ZNF536: variants seen among roughly 807,000 people sequenced by gnomAD.
ZNF536 encodes zinc finger protein 536.
In ZNF536, 13 loss-of-function variants were observed where a neutral mutation model predicts 84.5. That is an observed-to-expected ratio of 0.15 (90% CI 0.10 to 0.24). The LOEUF is 0.24. Among genes scored for constraint, ZNF536 ranks in the 10% least tolerant of loss-of-function variants. The pLI, the probability that ZNF536 is intolerant of heterozygous loss-of-function variation, is 1.00. For missense variants in ZNF536, 1,536 were observed against 1,747.5 expected (o/e 0.88, Z 2.16); for synonymous variants, 811 against 742.5 (o/e 1.09, Z -1.50).
intron 1 of ZNF536, among the ~76,000 whole-genome samples, chr19:30,237,246 T>G (rs8101339): frequency 0.037 from 5,556 of 152,196 alleles, 121 homozygotes; most frequent in Non-Finnish European, 0.045. Flanking sequence ...TAAAATAATT[T>G]GTTCATTGAT....
At chr19:30,582,827 GT>G (rs2046969847) in intron 1 of ZNF536, among the ~76,000 whole-genome samples, 1 of 152,282 alleles carries the variant, frequency 6.6e-6, no homozygotes, top group South Asian at 2.1e-4. Context: ...CATGAAAACA[GT>G]GTGGGGGAAA....
chr19:30,670,036 T>G (rs549606316), intron 1 of ZNF536, among the ~76,000 whole-genome samples: 1 of 152,278 alleles, frequency 6.6e-6, no homozygotes, highest in South Asian at 2.1e-4. Context: ...CCCTTTCCCC[T>G]CATCCTGCCC....
At chr19:30,701,538 GAC>G (rs2051981279) in intron 1 of ZNF536, among the ~76,000 whole-genome samples, 2 of 108,790 alleles carry the variant, frequency 1.8e-5, no homozygotes, top group Admixed American at 8.9e-5. Flanking sequence ...CAAACACACA[GAC>G]ACACAAACAC....
At position 30,564,062 on chromosome 19, in the gene ZNF536, G is replaced by A. The variant is rs922585019; in HGVS notation, c.169+14548G>A. On this transcript the variant is annotated intron_variant, in intron 1 of 1. Transcript: ENST00000592773. ...TAAGGGGACCAGAAAACAAGAGGGG[G>A]TGAATGGCTGAAAGGAAGAGAAATG... 2.6e-5 allele frequency among the ~76,000 whole-genome samples: 4 copies of A among 152,126 alleles called. No homozygotes were observed. In the East Asian group the frequency reaches 7.7e-4, roughly 29 times the overall value.
chr19:30,687,510 C>A (rs1314653194), intron 1 of ZNF536, among the ~76,000 whole-genome samples: 2 of 152,048 alleles, frequency 1.3e-5, no homozygotes, highest in Non-Finnish European at 2.9e-5. Context: ...TAAAGTAAGC[C>A]CTTCCCATAC....
chr19:30,490,233 C>T (rs955870722), intron 2 of ZNF536, among the ~76,000 whole-genome samples: 4 of 152,142 alleles, frequency 2.6e-5, no homozygotes, highest in Admixed American at 2.6e-4. Flanking sequence ...ATAATCTCTT[C>T]GTTCATCTCT....
At chr19:30,622,026 C>T (rs1339014689) in intron 1 of ZNF536, among the ~76,000 whole-genome samples, 11 of 152,174 alleles carry the variant, frequency 7.2e-5, no homozygotes, top group African/African-American at 2.7e-4. Flanking sequence ...AAATGGAAAC[C>T]TTTAGTAATC....
chr19:30,587,071 T>A (rs2047119222), intron 1 of ZNF536, among the ~76,000 whole-genome samples: 1 of 152,228 alleles, frequency 6.6e-6, no homozygotes, highest in Admixed American at 6.5e-5. Flanking sequence ...TCCACACATA[T>A]CTTGAAGATT....
chr19:30,621,428 A>T (rs1349178542), intron 1 of ZNF536, among the ~76,000 whole-genome samples: 4 of 152,040 alleles, frequency 2.6e-5, no homozygotes, highest in Non-Finnish European at 4.4e-5. Flanking sequence ...TACAAAGCCC[A>T]GCTCTTCTCA....
intron 2 of ZNF536, among the ~76,000 whole-genome samples, chr19:30,475,374 G>A (rs1239031986): frequency 6.6e-6 from 1 of 152,168 alleles, no homozygotes; most frequent in Admixed American, 6.5e-5. Flanking sequence ...AAAGCTGAGA[G>A]GGAGGATTCT....
chr19:30,607,219 T>A (rs1346218730), intron 1 of ZNF536, among the ~76,000 whole-genome samples: 1 of 152,184 alleles, frequency 6.6e-6, no homozygotes, highest in Non-Finnish European at 1.5e-5. Context: ...TATGGCTGAG[T>A]GTGGCTGTAA....
chr19:30,342,209 GT>G (rs2047585820), intron 2 of ZNF536, among the ~76,000 whole-genome samples: 1 of 152,180 alleles, frequency 6.6e-6, no homozygotes, highest in Non-Finnish European at 1.5e-5. Context: ...CCAGAAAAAT[GT>G]TTAGTTGCAT....
chr19:30,659,004 T>C (rs1430387189), intron 1 of ZNF536, among the ~76,000 whole-genome samples: 1 of 152,176 alleles, frequency 6.6e-6, no homozygotes, highest in Non-Finnish European at 1.5e-5. Flanking sequence ...GGTGGGTCCA[T>C]TAGGGATGTT....
At chr19:30,515,919 CGTG>C (rs1568505127) in intron 2 of ZNF536, among the ~76,000 whole-genome samples, 1 of 148,772 alleles carries the variant, frequency 6.7e-6, no homozygotes, top group East Asian at 2.0e-4. Context: ...CCCAGCTACT[CGTG>C]GGGCTGAGGC....
chr19:30,264,395 C>G (rs78335079), intron 1 of ZNF536, among the ~76,000 whole-genome samples: 16 of 124,666 alleles, frequency 1.3e-4, no homozygotes, highest in Non-Finnish European at 2.5e-4. Context: ...AGTTGTGCCT[C>G]TGTGTGTGTG....
chr19:30,277,309 A>C (rs563240711), intron 1 of ZNF536, among the ~76,000 whole-genome samples: 23 of 152,240 alleles, frequency 1.5e-4, no homozygotes, highest in African/African-American at 5.5e-4. Context: ...ATGCTAAAGC[A>C]TGTAAAAATA....
intron 1 of ZNF536, among the ~76,000 whole-genome samples, chr19:30,664,990 G>A (rs539047874): frequency 6.6e-6 from 1 of 152,282 alleles, no homozygotes; most frequent in African/African-American, 2.4e-5. Flanking sequence ...TTCTTCAACA[G>A]GAAACACTTC....
In ZNF536 at chr19:30,329,826, G is replaced by A. The variant is rs539189186; in HGVS notation, c.-119-22542G>A. The stretch of plus-strand genomic sequence containing the variant: ...CTCTGGGGCATAAGTTAACTTACTG[G>A]GTCTACACTTGGTGGGGGGATACTT... On this transcript the variant is annotated intron_variant, in intron 2 of 5. Transcript: ENST00000585628. Among the ~76,000 whole-genome samples the A allele has an allele frequency of 2.0e-5, 3 of 152,172 alleles. No homozygotes were observed. The East Asian group carries it at 5.8e-4, about 29-fold the overall frequency.
chr19:30,366,840 T>G (rs2048452141), intron 3 of ZNF536, among the ~76,000 whole-genome samples: 1 of 152,204 alleles, frequency 6.6e-6, no homozygotes, highest in African/African-American at 2.4e-5. Context: ...ACACCATTTG[T>G]TAGGGCAAAT....
Sources: gnomAD v4.1 joint callset for allele counts (sites outside exome capture counted in the v4.1 genomes callset) on GRCh38, gnomAD v4.1.1 for gene constraint, MANE v1.5 for transcripts, NCBI Gene and HGNC (gene_info 2026-07-23, HGNC 2026-07-21) for gene names.